Variants in EPHA4 observed in about 807,000 individuals in gnomAD.
EPHA4 encodes the protein ephrin type-A receptor 4.
In EPHA4, 19 loss-of-function variants were observed where a neutral mutation model predicts 108.3. The observed-to-expected ratio is 0.18, with a 90% CI of 0.12 to 0.26. The LOEUF (loss-of-function observed/expected upper bound fraction) is 0.26. Ranked by LOEUF, EPHA4 falls within the 10% of genes least tolerant of loss-of-function variation. The pLI is 1.00. For synonymous variants in EPHA4, 449 were observed against 455.5 expected (o/e 0.99, Z 0.18); for missense variants, 917 against 1,254.0 (o/e 0.73, Z 4.06).
Position 221,572,278 on chromosome 2 carries a change from G to T in EPHA4, c.-30C>A. 3 of 1,567,986 alleles carry T rather than the reference G, an allele frequency of 1.9e-6. No homozygotes were observed. Among genetic ancestry groups the T allele is most frequent in the Non-Finnish European group, 2.6e-6 (3 of 1,138,086 alleles). On this transcript the variant is annotated 5_prime_UTR_variant, in exon 1 of 18. Transcript: ENST00000281821. ...CGCCGGTGCCAACGCTGCTCCTGCC[G>T]CTTCTATCCCAGTGGAATAAATGCT...
chr2:221,522,851 T>C (rs184463041), intron 3 of EPHA4, among the ~76,000 whole-genome samples: 5 of 151,810 alleles, frequency 3.3e-5, no homozygotes, highest in Admixed American at 3.3e-4. Flanking sequence ...CAACCCAACC[T>C]CTGCCTCCCA....
intron 4 of EPHA4, among the ~76,000 whole-genome samples, chr2:221,485,864 C>G (rs1000448906): frequency 3.3e-5 from 5 of 151,916 alleles, no homozygotes; most frequent in African/African-American, 1.2e-4. Flanking sequence ...TAGTTAATAC[C>G]GAACTGCAGC....
chr2:221,426,443 G>A (rs1460603245), intron 16 of EPHA4, 21 bp downstream of exon 16: 1 of 1,577,644 alleles, frequency 6.3e-7, no homozygotes, highest in Non-Finnish European at 8.6e-7. Flanking sequence ...ACCCTTTCGT[G>A]TTACATCGTT....
intron 4 of EPHA4, among the ~76,000 whole-genome samples, chr2:221,483,793 C>T (rs191135817): frequency 5.3e-5 from 8 of 152,172 alleles, no homozygotes; most frequent in Admixed American, 4.6e-4. Context: ...AGCCACCATG[C>T]CCGGCCATGA....
intron 4 of EPHA4, among the ~76,000 whole-genome samples, chr2:221,484,820 C>A (rs960485336): frequency 1.5e-4 from 23 of 152,134 alleles, no homozygotes; most frequent in Admixed American, 8.5e-4. Flanking sequence ...GTACTATCTG[C>A]CATTTGGAGT....
intron 3 of EPHA4, among the ~76,000 whole-genome samples, chr2:221,505,847 T>C: frequency 6.6e-6 from 1 of 152,176 alleles, no homozygotes; most frequent in Admixed American, 6.5e-5. Context: ...ACCCTGAACC[T>C]ACTTAGAAGA....
chr2:221,488,238 G>A (rs1003795511), intron 4 of EPHA4, among the ~76,000 whole-genome samples: 1 of 152,020 alleles, frequency 6.6e-6, no homozygotes, highest in Non-Finnish European at 1.5e-5. Context: ...TGAAAGCAAG[G>A]CATCTTCTTT....
At chr2:221,531,935 A>G (rs1693531649) in intron 3 of EPHA4, among the ~76,000 whole-genome samples, 1 of 152,164 alleles carries the variant, frequency 6.6e-6, no homozygotes, top group African/African-American at 2.4e-5. Context: ...AATACCTTGT[A>G]CTGAATTTCC....
At chr2:221,525,005 A>C (rs182409443) in intron 3 of EPHA4, among the ~76,000 whole-genome samples, 2 of 150,766 alleles carry the variant, frequency 1.3e-5, no homozygotes, top group East Asian at 1.9e-4. Flanking sequence ...AAAAAGAGGC[A>C]ATTTTTATAA....
intron 4 of EPHA4, among the ~76,000 whole-genome samples, chr2:221,499,696 C>A (rs1256414334): frequency 8.7e-6 from 1 of 115,196 alleles, no homozygotes; most frequent in African/African-American, 3.3e-5. Context: ...TAATAATAGT[C>A]ATAATGATAA....
chr2:221,568,157 G>T (rs534264801), intron 2 of EPHA4, among the ~76,000 whole-genome samples: 1 of 152,256 alleles, frequency 6.6e-6, no homozygotes, highest in African/African-American at 2.4e-5. Flanking sequence ...TTCATATTTA[G>T]CACCATTAAT....
intron 5 of EPHA4, among the ~76,000 whole-genome samples, chr2:221,467,201 C>T (rs1574587266): frequency 6.6e-6 from 1 of 152,128 alleles, no homozygotes; most frequent in Non-Finnish European, 1.5e-5. Flanking sequence ...GGTAAGGATA[C>T]AAGACAAGCC....
At chr2:221,550,418 G>GAGAGAGAGAGAGAGAGAGAGAGAGA (rs370058097) in intron 3 of EPHA4, among the ~76,000 whole-genome samples, 7 of 135,666 alleles carry the variant, frequency 5.2e-5, no homozygotes, top group African/African-American at 1.6e-4. Flanking sequence ...TGAGGAAAGG[G>GAGAGAGAGAGAGAGAGAGAGAGAGA]GAGAGAGAGA....
intron 5 of EPHA4, among the ~76,000 whole-genome samples, chr2:221,467,729 A>G (rs892366566): frequency 2.0e-5 from 3 of 152,200 alleles, no homozygotes; most frequent in African/African-American, 7.2e-5. Flanking sequence ...GGGGCACCCA[A>G]GTGTCTTTGC....
rs529347308 is a variant in EPHA4, at chr2:221,498,860, C to T, written c.979+2157G>A. Among the ~76,000 whole-genome samples, 3 of 149,236 alleles carry T rather than the reference C, an allele frequency of 2.0e-5. No individual in the cohort carries two copies. The South Asian group carries it at 6.4e-4, about 32-fold the overall frequency. ...AGGGTGGAGTCCAGTGGTGCAATCT[C>T]GGCTCACTGCAACCTCTGCCTTCCG... On this transcript the variant is annotated intron_variant, in intron 4 of 17. Transcript: ENST00000281821.
chr2:221,545,145 A>G (rs900815198), intron 3 of EPHA4, among the ~76,000 whole-genome samples: 5 of 152,238 alleles, frequency 3.3e-5, no homozygotes, highest in African/African-American at 1.2e-4. Flanking sequence ...ATTCAGAATT[A>G]CAAAGCAAAT....
chr2:221,547,606 G>C (rs1467021454), intron 3 of EPHA4, among the ~76,000 whole-genome samples: 1 of 152,192 alleles, frequency 6.6e-6, no homozygotes, highest in Non-Finnish European at 1.5e-5. Flanking sequence ...CCATTGGCAG[G>C]TGAATATCTG....
At chr2:221,499,752 ATATATTTTT>A (rs1288569939) in intron 4 of EPHA4, among the ~76,000 whole-genome samples, 29 of 41,322 alleles carry the variant, frequency 7.0e-4, no homozygotes, top group African/African-American at 3.9e-3. Flanking sequence ...ATATATATAT[ATATATTTTT>A]TTTTTTTTTT....
rs566196650 is a variant in EPHA4, at chr2:221,537,790, AAAG to A, written c.823+25938_823+25940del. Among the ~76,000 whole-genome samples the A allele has an allele frequency of 8.6e-3, 1,314 of 152,288 alleles. 4 individuals are homozygous for A. The highest frequency in any genetic ancestry group is 0.012 in the Non-Finnish European group (789 of 68,014). On this transcript the variant is annotated intron_variant, in intron 3 of 17. Coordinates refer to ENST00000281821, the MANE Select transcript of EPHA4 (RefSeq NM_004438.5). ...AGGCAATAGAGTGAGATTCCATCGA[AAAG>A]AAGAAGAAGAAAGAAGGAAGAAGAA... is the stretch of plus-strand genomic sequence containing the variant.
Sources: gnomAD v4.1 joint callset for allele counts (sites outside exome capture counted in the v4.1 genomes callset) on GRCh38, gnomAD v4.1.1 for gene constraint, MANE v1.5 for transcripts, NCBI Gene and HGNC (gene_info 2026-07-23, HGNC 2026-07-21) for gene names.